The following KIF5C variants were observed in gnomAD, a reference collection of about 807,000 sequenced individuals.
The protein encoded by KIF5C is kinesin heavy chain isoform 5C.
Under a neutral mutation model 125.2 loss-of-function variants are expected in KIF5C, and 18 were observed. The ratio of observed to expected loss-of-function variants is 0.14; its 90% CI spans 0.10 to 0.21. The LOEUF is 0.21. Ranked by LOEUF, KIF5C falls within the 10% of genes least tolerant of loss-of-function variation. The pLI, the probability that KIF5C is intolerant of heterozygous loss-of-function variation, is 1.00. For missense variants in KIF5C, 780 were observed against 1,183.8 expected, an observed-to-expected ratio of 0.66 and a Z score of 5.01; for synonymous variants, 405 against 434.0, an observed-to-expected ratio of 0.93 and a Z score of 0.83.
chr2:148,947,625 C>T (rs1002028415), intron 8 of KIF5C, among the ~76,000 whole-genome samples: 3 of 152,132 alleles, frequency 2.0e-5, no homozygotes, highest in Non-Finnish European at 4.4e-5. Context: ...TCTCTTTTGT[C>T]GTCTACACCC....
chr2:148,910,476 A>G (rs539110425), intron 1 of KIF5C, among the ~76,000 whole-genome samples: 3 of 152,342 alleles, frequency 2.0e-5, no homozygotes, highest in Non-Finnish European at 4.4e-5. Context: ...TCAGTCAAAT[A>G]TATTAGCCCT....
intron 8 of KIF5C, chr2:148,947,881 C>T: frequency 4.4e-6 from 2 of 456,712 alleles, no homozygotes. Flanking sequence ...GGTCAGTCTC[C>T]CTAACTGTAT....
chr2:149,007,886 T>G, intron 22 of KIF5C, 77 bp from the exon 23 acceptor site: 5 of 1,362,918 alleles, frequency 3.7e-6, no homozygotes, highest in Non-Finnish European at 4.8e-6. Context: ...GGGATTTTTT[T>G]TTTCCATCCA....
intron 1 of KIF5C, among the ~76,000 whole-genome samples, chr2:148,891,481 C>T (rs554693844): frequency 4.6e-5 from 7 of 151,942 alleles, no homozygotes; most frequent in South Asian, 4.2e-4. Context: ...ATCAATTAGT[C>T]GAATGTCTTG....
chr2:148,998,552 C>T (rs1433323407), intron 19 of KIF5C, 43 bp downstream of exon 19: 1 of 1,549,696 alleles, frequency 6.5e-7, no homozygotes, highest in Non-Finnish European at 8.7e-7. Context: ...GTGGTCATGC[C>T]TCGGTCCTCT....
intron 11 of KIF5C, among the ~76,000 whole-genome samples, chr2:148,963,633 G>A (rs185900721): frequency 5.6e-4 from 86 of 152,262 alleles, no homozygotes; most frequent in African/African-American, 1.6e-3. Context: ...TGGGAGAGTC[G>A]GGAGCAGTAG....
intron 1 of KIF5C, among the ~76,000 whole-genome samples, chr2:148,919,803 A>G (rs886716650): frequency 1.3e-5 from 2 of 152,254 alleles, no homozygotes; most frequent in Non-Finnish European, 2.9e-5. Context: ...GACAGGACAC[A>G]TAAAAATATT....
rs551850130 is a variant in KIF5C, at chr2:149,017,097, C to T, written c.*7+5414C>T. On this transcript the variant is annotated intron_variant, in intron 25 of 25. Coordinates refer to ENST00000435030, the MANE Select transcript of KIF5C (RefSeq NM_004522.3). ...GACAGACTAGGTGAGGAAATAGAGC[C>T]GGCAGCTGAACCCACTTTGGGGGTT... is the stretch of plus-strand genomic sequence containing the variant. 8.5e-5 allele frequency among the ~76,000 whole-genome samples: 13 copies of T among 152,170 alleles called. No individual in the cohort carries two copies. In the South Asian group the frequency reaches 2.3e-3, roughly 27 times the overall value.
intron 24 of KIF5C, 145 bp downstream of exon 24, chr2:149,010,496 C>T (rs1682159099): frequency 2.2e-6 from 3 of 1,382,186 alleles, no homozygotes; most frequent in African/African-American, 1.5e-5. Context: ...GCCCTCACCG[C>T]ACCCTGTGCT....
chr2:148,931,882 T>C (rs1682193602), intron 3 of KIF5C, among the ~76,000 whole-genome samples: 1 of 152,158 alleles, frequency 6.6e-6, no homozygotes, highest in Non-Finnish European at 1.5e-5. Flanking sequence ...TTTTAAAAGG[T>C]CAGTTGTAAT....
At chr2:148,989,730 A>G (rs1681476223) in intron 15 of KIF5C, among the ~76,000 whole-genome samples, 1 of 152,154 alleles carries the variant, frequency 6.6e-6, no homozygotes, top group Non-Finnish European at 1.5e-5. Flanking sequence ...CATTTCACTG[A>G]TAATTAATGA....
Position 149,005,419 on chromosome 2 carries a change from C to T in KIF5C, c.2400C>T (p.Asn800=). ...TVSRELQTLH[N]LRKLFVQDLT... ...CTAGAGAATTGCAGACACTGCACAA[C>T]CTTCGGAAACTCTTTGTCCAGGATC... Residue 800 remains asparagine, a synonymous_variant, in exon 22 of 26, where the codon AAC becomes AAT. Transcript: ENST00000435030. 4 of 1,613,858 alleles carry T rather than the reference C, an allele frequency of 2.5e-6. No individual in the cohort carries two copies. The highest frequency in any genetic ancestry group is 2.5e-6 in the Non-Finnish European group (3 of 1,179,844).
intron 15 of KIF5C, among the ~76,000 whole-genome samples, chr2:148,987,600 C>G (rs1445652936): frequency 6.6e-6 from 1 of 152,120 alleles, no homozygotes; most frequent in Non-Finnish European, 1.5e-5. Context: ...TTCCAACTTC[C>G]CAATCTGTCC....
At chr2:148,938,447 G>T (rs1682337671) in intron 4 of KIF5C, among the ~76,000 whole-genome samples, 1 of 152,054 alleles carries the variant, frequency 6.6e-6, no homozygotes, top group South Asian at 2.1e-4. Flanking sequence ...CTGCTTTTCT[G>T]CCCCCTTGCT....
At chr2:148,981,283 T>G in intron 13 of KIF5C, 72 bp from the exon 14 acceptor site, 1 of 1,466,478 alleles carries the variant, frequency 6.8e-7, no homozygotes, top group Non-Finnish European at 9.0e-7. Context: ...AATTACTTAC[T>G]TTTGGATACA....
At chr2:148,983,836 T>C (rs1164851252) in intron 15 of KIF5C, 70 bp downstream of exon 15, 3 of 1,458,606 alleles carry the variant, frequency 2.1e-6, no homozygotes, top group East Asian at 2.3e-5. Context: ...CTTTACTCTT[T>C]TAAGCATTCA....
At chr2:149,011,452 T>A in intron 24 of KIF5C, 118 bp from the exon 25 acceptor site, 1 of 1,388,842 alleles carries the variant, frequency 7.2e-7, no homozygotes, top group Non-Finnish European at 9.6e-7. Flanking sequence ...TTGATAAGAA[T>A]TGTACTGTTG....
At chr2:149,018,041 C>T (rs940469245) in intron 25 of KIF5C, among the ~76,000 whole-genome samples, 3 of 152,148 alleles carry the variant, frequency 2.0e-5, no homozygotes, top group East Asian at 1.9e-4. Context: ...GTACTCCCAG[C>T]ACTCTGAGAG....
At chr2:148,935,590 A>G (rs1398905838) in intron 3 of KIF5C, among the ~76,000 whole-genome samples, 1 of 152,196 alleles carries the variant, frequency 6.6e-6, no homozygotes, top group Non-Finnish European at 1.5e-5. Context: ...AGTTATCAAG[A>G]TTTGAGATTG....
Sources: allele counts gnomAD v4.1 joint callset (sites outside exome capture counted in the v4.1 genomes callset), GRCh38; gene constraint gnomAD v4.1.1; transcripts MANE v1.5; gene names NCBI Gene and HGNC (gene_info 2026-07-23, HGNC 2026-07-21).